AKAP19: variants seen among roughly 807,000 people sequenced by gnomAD.
AKAP19 encodes the protein small A-kinase anchoring protein.
chr2:189,927,313 T>C, the AKAP19 span, among the ~76,000 whole-genome samples: 1 of 152,224 alleles, frequency 6.6e-6, no homozygotes, highest in African/African-American at 2.4e-5. Flanking sequence ...TAATATATTA[T>C]ACACTTTTGG....
the AKAP19 span, among the ~76,000 whole-genome samples, chr2:190,065,652 G>C: frequency 6.6e-6 from 1 of 152,126 alleles, no homozygotes; most frequent in Non-Finnish European, 1.5e-5. Flanking sequence ...GTTATATATT[G>C]ATTGGGTGAT....
At chr2:189,972,382 T>C in the AKAP19 span, among the ~76,000 whole-genome samples, 1 of 152,188 alleles carries the variant, frequency 6.6e-6, no homozygotes, top group Non-Finnish European at 1.5e-5. Flanking sequence ...TTGATTGCTG[T>C]AGTCTTGTAG....
chr2:189,935,632 G>A, the AKAP19 span, among the ~76,000 whole-genome samples: 1 of 151,976 alleles, frequency 6.6e-6, no homozygotes, highest in African/African-American at 2.4e-5. Flanking sequence ...AAAGCTATTT[G>A]TTACTGCTTG....
the AKAP19 span, among the ~76,000 whole-genome samples, chr2:189,905,033 C>T: frequency 6.6e-6 from 1 of 151,846 alleles, no homozygotes; most frequent in Non-Finnish European, 1.5e-5. Context: ...TAAATAGGCC[C>T]TTTGATTCTA....
chr2:190,131,015 GA>G, the AKAP19 span, among the ~76,000 whole-genome samples: 1 of 152,196 alleles, frequency 6.6e-6, no homozygotes, highest in African/African-American at 2.4e-5. Flanking sequence ...GAAATTATAA[GA>G]AATATATGTA....
the AKAP19 span, among the ~76,000 whole-genome samples, chr2:189,998,748 CTTCTTTCT>C: frequency 4.6e-5 from 6 of 129,510 alleles, no homozygotes; most frequent in South Asian, 2.5e-4. Context: ...TTACTTTTCT[CTTCTTTCT>C]TTCTTTCTTT....
At chr2:190,047,969 A>AG in the AKAP19 span, among the ~76,000 whole-genome samples, 1 of 152,178 alleles carries the variant, frequency 6.6e-6, no homozygotes, top group African/African-American at 2.4e-5. Context: ...CCTGCATTTA[A>AG]GGGGGTTAAA....
At chr2:190,110,776 C>T in the AKAP19 span, among the ~76,000 whole-genome samples, 1 of 152,146 alleles carries the variant, frequency 6.6e-6, no homozygotes, top group Non-Finnish European at 1.5e-5. Context: ...ATGCTTCTGG[C>T]CATGTCTTAT....
At chr2:189,903,091 G>A in the AKAP19 span, among the ~76,000 whole-genome samples, 1 of 151,634 alleles carries the variant, frequency 6.6e-6, no homozygotes, top group Non-Finnish European at 1.5e-5. Flanking sequence ...GAAAGCCATC[G>A]AGAAATTATT....
chr2:190,084,441 G>A, the AKAP19 span, among the ~76,000 whole-genome samples: 3 of 152,108 alleles, frequency 2.0e-5, no homozygotes, highest in African/African-American at 7.2e-5. Context: ...TGTGTTGGCT[G>A]GTTTGAGACC....
chr2:189,954,310 A>G, the AKAP19 span, among the ~76,000 whole-genome samples: 1 of 152,264 alleles, frequency 6.6e-6, no homozygotes, highest in African/African-American at 2.4e-5. Context: ...GCATATGTAC[A>G]CACACTGTTT....
At chr2:190,101,548 AG>A in the AKAP19 span, among the ~76,000 whole-genome samples, 1 of 152,212 alleles carries the variant, frequency 6.6e-6, no homozygotes, top group Non-Finnish European at 1.5e-5. Context: ...CTCTATGCTC[AG>A]GCAGATCACC....
At chr2:189,976,968 G>T in the AKAP19 span, among the ~76,000 whole-genome samples, 1 of 152,106 alleles carries the variant, frequency 6.6e-6, no homozygotes, top group Admixed American at 6.6e-5. Flanking sequence ...ACACTCGGTG[G>T]GCTGCACCCA....
chr2:190,170,924 A>C, the AKAP19 span, among the ~76,000 whole-genome samples: 1 of 152,218 alleles, frequency 6.6e-6, no homozygotes, highest in Non-Finnish European at 1.5e-5. Context: ...AGATCAGATA[A>C]AGTAGCAATG....
the AKAP19 span, chr2:190,090,936 C>A: frequency 6.6e-6 from 1 of 152,124 alleles, no homozygotes; most frequent in Non-Finnish European, 1.5e-5. Context: ...TACAGACATA[C>A]CCTGGCATCT....
the AKAP19 span, chr2:190,181,420 T>A: frequency 1.3e-5 from 2 of 152,612 alleles, no homozygotes; most frequent in Admixed American, 6.5e-5. Flanking sequence ...GTAAGAGATT[T>A]GCCCGTGAAC....
chr2:189,980,827 G>T, the AKAP19 span, among the ~76,000 whole-genome samples: 1 of 152,070 alleles, frequency 6.6e-6, no homozygotes, highest in Non-Finnish European at 1.5e-5. Flanking sequence ...TATTTTTGTG[G>T]TTTTGAGAGT....
the AKAP19 span, among the ~76,000 whole-genome samples, chr2:190,195,342 A>C: frequency 6.6e-6 from 1 of 150,378 alleles, no homozygotes; most frequent in African/African-American, 2.4e-5. Flanking sequence ...AAATACCAAG[A>C]AGCAGAACTG....
the AKAP19 span, among the ~76,000 whole-genome samples, chr2:190,152,927 ACT>A: frequency 4.8e-4 from 69 of 144,272 alleles, no homozygotes; most frequent in African/African-American, 1.8e-3. Flanking sequence ...ACGAAGTCTC[ACT>A]CTGTCGCCTA....
Sources: gnomAD v4.1 joint callset for allele counts (sites outside exome capture counted in the v4.1 genomes callset) on GRCh38, gnomAD v4.1.1 for gene constraint, MANE v1.5 for transcripts, NCBI Gene and HGNC (gene_info 2026-07-23, HGNC 2026-07-21) for gene names.